Variants in CHL1 observed in about 807,000 individuals in gnomAD.
CHL1 encodes the protein cell adhesion molecule L1 like.
Under a neutral mutation model 141.9 loss-of-function variants are expected in CHL1, and 96 were observed. The observed-to-expected ratio is 0.68, with a 90% confidence interval of 0.57 to 0.80. The LOEUF (loss-of-function observed/expected upper bound fraction) is 0.80. CHL1 is among the 30% of genes least tolerant of loss of function. The pLI is 0.00. For missense variants in CHL1, 1,820 were observed against 1,457.2 expected (o/e 1.25, Z -4.05); for synonymous variants, 613 against 502.2 (o/e 1.22, Z -2.95).
chr3:340,419 G>A (rs1367216388), intron 5 of CHL1, among the ~76,000 whole-genome samples: 1 of 152,094 alleles, frequency 6.6e-6, no homozygotes, highest in Non-Finnish European at 1.5e-5. Flanking sequence ...ATATGCAACC[G>A]CCCAAAGTGA....
At chr3:255,926 A>G (rs1694115994) in intron 2 of CHL1, among the ~76,000 whole-genome samples, 1 of 152,200 alleles carries the variant, frequency 6.6e-6, no homozygotes, top group Non-Finnish European at 1.5e-5. Context: ...TACACTATCT[A>G]AAAGGAAGGT....
intron 1 of CHL1, among the ~76,000 whole-genome samples, chr3:198,276 C>T (rs1338898303): frequency 6.6e-6 from 1 of 152,064 alleles, no homozygotes; most frequent in African/African-American, 2.4e-5. Flanking sequence ...GCGCCGGCGT[C>T]CAGTCCCGCT....
intron 9 of CHL1, 142 bp from the exon 10 acceptor site, chr3:349,217 T>C: frequency 1.5e-6 from 1 of 674,396 alleles, no homozygotes; most frequent in Non-Finnish European, 2.5e-6. Context: ...GGTGTGTCTG[T>C]CCACTGGTAA....
rs757994026 is a variant in CHL1 at position 319,809 on chromosome 3, C to T, written c.33C>T (p.Ile11=). 49 of 1,603,864 alleles carry T rather than the reference C, an allele frequency of 3.1e-5. No homozygotes were observed. Among genetic ancestry groups the T allele is most frequent in the Non-Finnish European group, 3.9e-5 (46 of 1,173,522 alleles). The change falls in exon 3 of 28, where the codon ATC becomes ATT. Residue 11 remains isoleucine (I), a synonymous_variant. Coordinates refer to ENST00000256509, the MANE Select transcript of CHL1 (RefSeq NM_006614.4). Reference sequence around the variant, plus strand: ...CGCTTTTACTTGGAAGAGGACTAATCGTATATCTAATGTTCCTCCTGTTAA... The same window carrying T: ...CGCTTTTACTTGGAAGAGGACTAATTGTATATCTAATGTTCCTCCTGTTAA... MEPLLLGRGL[I]VYLMFLLLKF...
intron 15 of CHL1, among the ~76,000 whole-genome samples, chr3:374,614 C>A (rs771335388): frequency 3.3e-5 from 5 of 152,168 alleles, no homozygotes; most frequent in Admixed American, 2.0e-4. Context: ...GTGGACTGAG[C>A]AAGTGACACA....
rs372130941 is a variant in CHL1 at position 258,279 on chromosome 3, T to A, written c.-95+13587T>A. ...TTATTATGAATCATAGAATTATGAG[T>A]CATGTGTTATAGGTTGTTTCAGGCA... On this transcript the variant is annotated intron_variant, in intron 2 of 27. Transcript: ENST00000256509. 2.3e-4 allele frequency among the ~76,000 whole-genome samples: 35 copies of A among 152,284 alleles called. No homozygotes were observed. In the East Asian group the frequency reaches 5.8e-3, roughly 25 times the overall value.
At chr3:287,467 T>C (rs775197839) in intron 2 of CHL1, among the ~76,000 whole-genome samples, 1 of 152,188 alleles carries the variant, frequency 6.6e-6, no homozygotes, top group Admixed American at 6.5e-5. Context: ...AGCCATTTGA[T>C]GTTGTAGTTA....
chr3:206,994 G>A (rs527746310), intron 1 of CHL1, among the ~76,000 whole-genome samples: 14 of 152,308 alleles, frequency 9.2e-5, no homozygotes, highest in African/African-American at 3.4e-4. Context: ...CAGCATTGCT[G>A]TTCTTGAAAA....
intron 3 of CHL1, among the ~76,000 whole-genome samples, chr3:325,234 A>G (rs2125064799): frequency 6.6e-6 from 1 of 151,932 alleles, no homozygotes; most frequent in South Asian, 2.1e-4. Context: ...ATGCTAAACT[A>G]TTTTATTATT....
At chr3:272,836 G>T (rs1044119868) in intron 2 of CHL1, among the ~76,000 whole-genome samples, 4 of 152,036 alleles carry the variant, frequency 2.6e-5, no homozygotes, top group Admixed American at 6.6e-5. Flanking sequence ...TCCCATATTT[G>T]CCAGGCATTT....
At chr3:333,380 C>T (rs1322920299) in intron 5 of CHL1, among the ~76,000 whole-genome samples, 1 of 151,880 alleles carries the variant, frequency 6.6e-6, no homozygotes, top group African/African-American at 2.4e-5. Context: ...TTGATAGAAA[C>T]TTTGTGATTC....
chr3:337,373 T>C (rs916513116), intron 5 of CHL1, among the ~76,000 whole-genome samples: 1 of 151,706 alleles, frequency 6.6e-6, no homozygotes, highest in Non-Finnish European at 1.5e-5. Flanking sequence ...TTATATATAT[T>C]TTTTAAATTA....
At chr3:225,004 C>T (rs1269195247) in intron 1 of CHL1, among the ~76,000 whole-genome samples, 1 of 152,054 alleles carries the variant, frequency 6.6e-6, no homozygotes, top group Non-Finnish European at 1.5e-5. Context: ...GGTGTGGTGG[C>T]TCACGCCTGT....
intron 2 of CHL1, among the ~76,000 whole-genome samples, chr3:253,135 CAG>C (rs1693850896): frequency 6.6e-6 from 1 of 152,072 alleles, no homozygotes; most frequent in Non-Finnish European, 1.5e-5. Context: ...GTAGTCCTTA[CAG>C]AGTTTATTTT....
chr3:226,948 A>G (rs1156812777), intron 1 of CHL1, among the ~76,000 whole-genome samples: 1 of 152,180 alleles, frequency 6.6e-6, no homozygotes, highest in South Asian at 2.1e-4. Flanking sequence ...TTGAAAATGG[A>G]AAGTTTTTGC....
At chr3:371,639 C>T (rs1705648404) in intron 15 of CHL1, among the ~76,000 whole-genome samples, 1 of 152,126 alleles carries the variant, frequency 6.6e-6, no homozygotes. Flanking sequence ...TGAATTTGAT[C>T]CTGTCATCAT....
intron 1 of CHL1, among the ~76,000 whole-genome samples, chr3:228,097 A>C (rs1701521274): frequency 6.6e-6 from 1 of 152,190 alleles, no homozygotes; most frequent in Admixed American, 6.5e-5. Flanking sequence ...GATCTACAAC[A>C]AGACCATAGC....
chr3:338,440 G>C (rs1284216370), intron 5 of CHL1, among the ~76,000 whole-genome samples: 1 of 152,072 alleles, frequency 6.6e-6, no homozygotes, highest in African/African-American at 2.4e-5. Flanking sequence ...TTTTTAAATG[G>C]AGTCATTTCT....
rs917034780 is a variant in CHL1 at position 319,709 on chromosome 3, G to C, written c.-68G>C. 40 of 1,035,978 alleles carry C rather than the reference G, an allele frequency of 3.9e-5. No individual in the cohort carries two copies. In the Admixed American group the frequency reaches 7.3e-4, roughly 19 times the overall value. 64.2% of individuals were successfully genotyped at this position (1,035,978 alleles called of 1,614,324 possible). A position where few individuals can be genotyped will look rare whatever the true frequency, so the allele number is the denominator to read the frequency against. On this transcript the variant is annotated 5_prime_UTR_variant, in exon 3 of 28. Transcript: ENST00000256509. ...TTCCAGGTTAACTAAGGTCTCAGCT[G>C]TAAACCAAAAGTGAGAGGAGACATT...
Sources: allele counts gnomAD v4.1 joint callset (sites outside exome capture counted in the v4.1 genomes callset), GRCh38; gene constraint gnomAD v4.1.1; transcripts MANE v1.5; gene names NCBI Gene and HGNC (gene_info 2026-07-23, HGNC 2026-07-21).